Variants in PANK2 observed in about 807,000 individuals in gnomAD.
The protein encoded by PANK2 is pantothenate kinase 2.
PANK2 carries 36 observed loss-of-function variants against 43.1 expected under a neutral mutation model. The observed-to-expected ratio is 0.84, with a 90% confidence interval of 0.64 to 1.10. The LOEUF is 1.10. Ranked by LOEUF, PANK2 falls within the 50% of genes least tolerant of loss-of-function variation. PANK2 has a pLI of 0.00. For missense variants in PANK2, 576 were observed against 593.3 expected (o/e 0.97, Z 0.30); for synonymous variants, 281 against 238.2 (o/e 1.18, Z -1.66).
intron 3 of PANK2, 94 bp from the exon 4 acceptor site, chr20:3,912,364 A>G: frequency 7.5e-7 from 1 of 1,339,726 alleles, no homozygotes; most frequent in Non-Finnish European, 1.1e-6. Flanking sequence ...ATTGGGTTGG[A>G]TATGTGAATA....
chr20:3,910,937 T>C, intron 3 of PANK2, 107 bp downstream of exon 3: 1 of 1,375,732 alleles, frequency 7.3e-7, no homozygotes, highest in Non-Finnish European at 1.0e-6. Context: ...TGAAAGTGTT[T>C]CTGGATTATG....
rs2090770455 is a variant in PANK2, at chr20:3,928,781, T to TAAAAA, written c.*5487_*5488insAAAAA. The TAAAAA allele has an allele frequency of 8.8e-6, 1 of 114,210 alleles. No individual in the cohort carries two copies. Among genetic ancestry groups the TAAAAA allele is most frequent in the Non-Finnish European group, 2.0e-5 (1 of 50,612 alleles). The allele number at this position is 114,210 out of a possible 1,614,324, so 7.1% of individuals were successfully genotyped here. ...AAAAAAAAAAAAAAAAAAAAAAAAT[T>TAAAAA]GTTGGGGTAATTTCTGTTGTCAAAT... On this transcript the variant is annotated 3_prime_UTR_variant, in exon 7 of 7. Coordinates refer to ENST00000610179, the MANE Select transcript of PANK2 (RefSeq NM_001386393.1).
At chr20:3,920,661 A>G (rs2090632073) in intron 6 of PANK2, among the ~76,000 whole-genome samples, 1 of 152,144 alleles carries the variant, frequency 6.6e-6, no homozygotes, top group Non-Finnish European at 1.5e-5. Context: ...CCTGACCAAC[A>G]TGGAGAAGCC....
intron 6 of PANK2, among the ~76,000 whole-genome samples, chr20:3,919,113 G>T (rs1331867243): frequency 6.6e-6 from 1 of 152,094 alleles, no homozygotes; most frequent in Non-Finnish European, 1.5e-5. Flanking sequence ...CACCATGTTG[G>T]CCAAGCTGGT....
At chr20:3,888,933 G>A (rs958736175), upstream of PANK2, 2 of 590,272 alleles carry the variant, frequency 3.4e-6, no homozygotes, top group Non-Finnish European at 5.9e-6. Flanking sequence ...CCTTTCGTCT[G>A]CCGACGACCA....
chr20:3,902,972 GACACACACACACACACACACAC>G (rs11468265), intron 1 of PANK2, among the ~76,000 whole-genome samples: 45 of 141,434 alleles, frequency 3.2e-4, no homozygotes, highest in Non-Finnish European at 4.6e-4. Flanking sequence ...GATGTGTATA[GACACACACACACACACACACAC>G]ACACACACAC....
In PANK2 at chr20:3,927,381, A is replaced by G. The variant is rs2090737764; in HGVS notation, c.*4087A>G. ...CATGTTTTATTTTTGAGGAGTGATT[A>G]GCAAAATGCATTAAAATTTTAAAAT... On this transcript the variant is annotated 3_prime_UTR_variant, in exon 7 of 7. Transcript: ENST00000610179. 1 of 152,250 alleles carries G rather than the reference A, an allele frequency of 6.6e-6. No individual in the cohort carries two copies. The allele number at this position is 152,250 out of a possible 1,614,324, so 9.4% of individuals were successfully genotyped here.
intron 1 of PANK2, among the ~76,000 whole-genome samples, chr20:3,902,652 T>C (rs985831782): frequency 6.6e-6 from 1 of 151,336 alleles, no homozygotes; most frequent in Admixed American, 6.7e-5. Flanking sequence ...GACTCCTGGC[T>C]TCAAGTGATC....
intron 1 of PANK2, among the ~76,000 whole-genome samples, chr20:3,902,246 G>A (rs1310905510): frequency 1.3e-5 from 2 of 150,214 alleles, no homozygotes; most frequent in Non-Finnish European, 3.0e-5. Flanking sequence ...AGCTTGCTAC[G>A]ACCTTGACCT....
intron 1 of PANK2, among the ~76,000 whole-genome samples, chr20:3,892,623 C>A (rs112314470): frequency 7.6e-6 from 1 of 131,752 alleles, no homozygotes; most frequent in Non-Finnish European, 1.5e-5. Context: ...TTGCAGTGAT[C>A]GAAGATCGCG....
At chr20:3,915,539 G>A (rs887355315) in intron 4 of PANK2, among the ~76,000 whole-genome samples, 2 of 151,980 alleles carry the variant, frequency 1.3e-5, no homozygotes, top group East Asian at 1.9e-4. Context: ...CTCGTGATCC[G>A]CCCACCTTGG....
rs2090076635 is a variant in PANK2, at chr20:3,889,512, A to G, written c.82A>G (p.Arg28Gly). The change falls in exon 1 of 7, where the codon AGG (arginine) becomes GGG (glycine). Residue 28 changes from arginine (R) to glycine (G), a missense_variant. By Grantham distance (125) the Arg-to-Gly change is moderately radical (BLOSUM62 -2). Around this residue, in one of 2 missense-constraint regions of PANK2, gnomAD observed 544 missense variants for 528.9 expected, o/e 1.03. Transcript: ENST00000610179. ...CGGCGCGCCCATGGAGCGCCACGGC[A>G]GGGCTTCCGCCACCTCCGTCTCGTC... 1 of 1,447,396 alleles carries G rather than the reference A, an allele frequency of 6.9e-7. No homozygotes were observed. Among genetic ancestry groups the G allele is most frequent in the Non-Finnish European group, 9.0e-7 (1 of 1,110,790 alleles). 89.7% of individuals were successfully genotyped at this position (1,447,396 alleles called of 1,614,324 possible). A position where few individuals can be genotyped will look rare whatever the true frequency, so the allele number is the denominator to read the frequency against.
intron 1 of PANK2, among the ~76,000 whole-genome samples, chr20:3,895,457 T>C (rs2090190435): frequency 6.9e-6 from 1 of 144,484 alleles, no homozygotes; most frequent in Non-Finnish European, 1.5e-5. Flanking sequence ...CACTCGAGCC[T>C]GGGCGACAGA....
intron 4 of PANK2, among the ~76,000 whole-genome samples, chr20:3,915,334 C>T (rs1311851940): frequency 6.6e-6 from 1 of 151,914 alleles, no homozygotes; most frequent in Non-Finnish European, 1.5e-5. Flanking sequence ...GAGTCTTGCT[C>T]TGTCACCAGG....
intron 1 of PANK2, among the ~76,000 whole-genome samples, chr20:3,893,338 C>T (rs1265284733): frequency 6.6e-6 from 1 of 152,056 alleles, no homozygotes; most frequent in African/African-American, 2.4e-5. Context: ...TAAAACTTTC[C>T]CTCAACCTAC....
chr20:3,918,570 T>C, intron 5 of PANK2, 101 bp from the exon 6 acceptor site: 2 of 1,516,022 alleles, frequency 1.3e-6, no homozygotes, highest in East Asian at 4.5e-5. Flanking sequence ...AGCAGTCAAA[T>C]TGTTGCTAAG....
chr20:3,925,201 C>T lies in PANK2; in HGVS notation c.*1907C>T, dbSNP rs1159592355. 1 of 152,410 alleles carries T rather than the reference C, an allele frequency of 6.6e-6. No individual in the cohort carries two copies. The highest frequency in any genetic ancestry group is 2.4e-5 in the African/African-American group (1 of 41,466). The allele number at this position is 152,410 out of a possible 1,614,324, so 9.4% of individuals were successfully genotyped here. ...CTACTCTAGAGAAACTAGTCCATTC[C>T]CTCATGTTCCACCTTGTGCTCAGTA... On this transcript the variant is annotated 3_prime_UTR_variant, in exon 7 of 7. Coordinates refer to ENST00000610179, the MANE Select transcript of PANK2 (RefSeq NM_001386393.1).
At chr20:3,903,004 CA>C (rs2090327279) in intron 1 of PANK2, among the ~76,000 whole-genome samples, 2 of 150,562 alleles carry the variant, frequency 1.3e-5, no homozygotes, top group African/African-American at 2.5e-5. Context: ...CACACACACA[CA>C]CACACACACA....
At chr20:3,918,896 C>T (rs2090605294) in intron 6 of PANK2, 100 bp downstream of exon 6, 4 of 1,581,344 alleles carry the variant, frequency 2.5e-6, no homozygotes, top group African/African-American at 1.3e-5. Context: ...AAATGGGCTG[C>T]AGTGTTTCTT....
Sources: allele counts gnomAD v4.1 joint callset (sites outside exome capture counted in the v4.1 genomes callset), GRCh38; gene constraint gnomAD v4.1.1; regional missense constraint gnomAD v4.1.1; transcripts MANE v1.5; gene names NCBI Gene and HGNC (gene_info 2026-07-23, HGNC 2026-07-21).